The following ZFP64 variants were observed in gnomAD, a reference collection of about 807,000 sequenced individuals.
The protein encoded by ZFP64 is ZFP64 zinc finger protein.
In ZFP64, 14 loss-of-function variants were observed where a neutral mutation model predicts 51.6. The observed-to-expected ratio is 0.27, with a 90% CI of 0.18 to 0.42. The LOEUF is 0.42. Among genes scored for constraint, ZFP64 ranks in the 10% least tolerant of loss-of-function variants. The pLI is 1.00. For missense variants in ZFP64, 754 were observed against 906.8 expected, an observed-to-expected ratio of 0.83 and a Z score of 2.16; for synonymous variants, 375 against 361.4, an observed-to-expected ratio of 1.04 and a Z score of -0.43.
intron 7 of ZFP64, among the ~76,000 whole-genome samples, chr20:52,096,436 T>C (rs1400604366): frequency 6.6e-6 from 1 of 152,266 alleles, no homozygotes. Context: ...CTGTGGACTC[T>C]ATGCCTCTGA....
exon 9 of ZFP64, chr20:52,084,234 A>C (rs1568936954): frequency 3.4e-6 from 1 of 293,582 alleles, no homozygotes; most frequent in African/African-American, 2.2e-5. Context: ...GAGATGGATC[A>C]GTTTTAAAAT....
chr20:52,110,578 T>G, intron 5 of ZFP64: 1 of 721,312 alleles, frequency 1.4e-6, no homozygotes, highest in African/African-American at 1.7e-5. Context: ...GTCCTGCCGC[T>G]GCTTCCAGAG....
intron 2 of ZFP64, 137 bp from the exon 3 acceptor site, chr20:52,166,162 T>A: frequency 1.2e-6 from 1 of 808,920 alleles, no homozygotes; most frequent in Non-Finnish European, 1.8e-6. Flanking sequence ...AGTGATCATG[T>A]GACCCAGTTC....
chr20:52,189,875 G>A lies in ZFP64; in HGVS notation c.46+1716C>T, dbSNP rs73132352. Among the ~76,000 whole-genome samples the A allele has an allele frequency of 1.7e-3, 256 of 152,070 alleles. 2 individuals are homozygous for A. The highest frequency in any genetic ancestry group is 3.1e-3 in the Non-Finnish European group (213 of 68,006). The stretch of plus-strand genomic sequence containing the variant: ...ATACATTATTCCATGGTGTCCATGC[G>A]TCATAATCTTCTCAGCAACAATAAG... On this transcript the variant is annotated intron_variant, in intron 1 of 5. Coordinates refer to ENST00000216923, the MANE Select transcript of ZFP64 (RefSeq NM_018197.3).
chr20:52,089,133 A>T (rs986768063), intron 7 of ZFP64: 4 of 460,634 alleles, frequency 8.7e-6, no homozygotes, highest in African/African-American at 5.9e-5. Flanking sequence ...AGAAGACCAC[A>T]TACCCAGAAC....
intron 5 of ZFP64, chr20:52,110,861 C>T: frequency 6.2e-7 from 1 of 1,610,156 alleles, no homozygotes; most frequent in South Asian, 1.1e-5. Flanking sequence ...GAGATCCCCA[C>T]CTCTGCCACC....
intron 1 of ZFP64, among the ~76,000 whole-genome samples, chr20:52,189,222 C>T (rs981808309): frequency 6.6e-6 from 1 of 151,802 alleles, no homozygotes; most frequent in Non-Finnish European, 1.5e-5. Context: ...ATGGTGAAAC[C>T]CCGTCTCTAC....
At chr20:52,112,866 C>T (rs1370959065) in intron 5 of ZFP64, among the ~76,000 whole-genome samples, 3 of 152,102 alleles carry the variant, frequency 2.0e-5, no homozygotes, top group Admixed American at 2.0e-4. Context: ...ATCCTCCCAC[C>T]TCGGCCTCCC....
At chr20:52,169,806 C>A (rs1192058867) in intron 2 of ZFP64, among the ~76,000 whole-genome samples, 2 of 152,340 alleles carry the variant, frequency 1.3e-5, no homozygotes, top group East Asian at 3.9e-4. Context: ...GTAACACCAG[C>A]ACTTTGGGAG....
intron 2 of ZFP64, chr20:52,175,870 G>GGC: frequency 1.7e-5 from 6 of 346,440 alleles, no homozygotes; most frequent in Non-Finnish European, 2.0e-5. Flanking sequence ...TGCCGCCCCC[G>GGC]CCCCCAAAAT....
At chr20:52,159,980 C>A (rs766048593) in intron 5 of ZFP64, 143 bp downstream of exon 5, 878 of 1,355,058 alleles carry the variant, frequency 6.5e-4, no homozygotes, top group Non-Finnish European at 8.3e-4. Flanking sequence ...ACAACAACAA[C>A]AAAAAAAAAC....
rs529986091 is a variant in ZFP64, at chr20:52,095,680, C to A, written c.976+1693G>T. On this transcript the variant is annotated intron_variant, in intron 7 of 8. Transcript: ENST00000361387. ...ACCTGACTCAAGAACAAGGCCTTAT[C>A]TTTTATGTCCTGGATCCCCAGCATG... Among the ~76,000 whole-genome samples the A allele has an allele frequency of 2.0e-5, 3 of 152,308 alleles. No homozygotes were observed. In the East Asian group the frequency reaches 5.8e-4, roughly 29 times the overall value.
chr20:52,105,835 C>A (rs1247253943), intron 5 of ZFP64, among the ~76,000 whole-genome samples: 1 of 151,964 alleles, frequency 6.6e-6, no homozygotes, highest in African/African-American at 2.4e-5. Context: ...GGGACCTGGG[C>A]ACTGGGATGT....
intron 5 of ZFP64, 140 bp downstream of exon 5, chr20:52,159,983 A>AAC: frequency 2.7e-6 from 4 of 1,462,802 alleles, no homozygotes; most frequent in African/African-American, 2.8e-5. Flanking sequence ...ACAACAACAA[A>AAC]AAAAAACAAA....
At chr20:52,166,247 T>TG (rs534647412) in intron 2 of ZFP64, among the ~76,000 whole-genome samples, 18 of 47,144 alleles carry the variant, frequency 3.8e-4, no homozygotes, top group East Asian at 3.2e-3. Context: ...TAAAATAGCA[T>TG]GGGGGGGCAG....
intron 4 of ZFP64, among the ~76,000 whole-genome samples, chr20:52,163,766 T>C (rs1982017623): frequency 6.6e-6 from 1 of 150,436 alleles, no homozygotes; most frequent in Admixed American, 6.7e-5. Flanking sequence ...TCTGTACTAT[T>C]TGAATACAAG....
In ZFP64 at chr20:52,151,341, A is replaced by G; in HGVS notation, c.*805T>C. On this transcript the variant is annotated 3_prime_UTR_variant, in exon 6 of 6. Coordinates refer to ENST00000216923, the MANE Select transcript of ZFP64 (RefSeq NM_018197.3). Reference sequence around the variant, plus strand: ...CATTTTCTGCTCATTAGCACTAAACATTTTTTTTTGGGTCAAGTATCCATG... The same window carrying G: ...CATTTTCTGCTCATTAGCACTAAACGTTTTTTTTTGGGTCAAGTATCCATG... The G allele has an allele frequency of 3.1e-6, 3 of 975,932 alleles. No individual in the cohort carries two copies. Among genetic ancestry groups the G allele is most frequent in the Non-Finnish European group, 3.6e-6 (3 of 821,944 alleles). The allele number at this position is 975,932 out of a possible 1,614,324, so 60.5% of individuals were successfully genotyped here. A position where few individuals can be genotyped will look rare whatever the true frequency, so the allele number is the denominator to read the frequency against.
At chr20:52,123,870 C>CT (rs955445122) in intron 5 of ZFP64, among the ~76,000 whole-genome samples, 2 of 132,558 alleles carry the variant, frequency 1.5e-5, no homozygotes, top group African/African-American at 3.1e-5. Flanking sequence ...GTAAACTTTT[C>CT]TTTTTTGGGG....
chr20:52,103,433 G>A (rs1388324068), intron 5 of ZFP64, among the ~76,000 whole-genome samples: 1 of 152,138 alleles, frequency 6.6e-6, no homozygotes, highest in Non-Finnish European at 1.5e-5. Flanking sequence ...TTTCTCCGAA[G>A]TGGTGGCTGG....
Sources: allele counts gnomAD v4.1 joint callset (sites outside exome capture counted in the v4.1 genomes callset), GRCh38; gene constraint gnomAD v4.1.1; transcripts MANE v1.5; gene names NCBI Gene and HGNC (gene_info 2026-07-23, HGNC 2026-07-21).